The following ADK variants were observed in gnomAD, a reference collection of about 807,000 sequenced individuals.
The protein encoded by ADK is N6,N6-dimethyladenosine kinase.
A neutral mutation model predicts 44.7 loss-of-function variants in ADK; 24 were observed. The observed-to-expected ratio is 0.54, with a 90% CI of 0.39 to 0.76. ADK has a LOEUF of 0.76. ADK is among the 30% of genes least tolerant of loss of function. The pLI, the probability that ADK is intolerant of heterozygous loss-of-function variation, is 0.00. For synonymous variants in ADK, 128 were observed against 142.6 expected (o/e 0.90, Z 0.73); for missense variants, 321 against 425.1 (o/e 0.76, Z 2.15).
intron 7 of ADK, among the ~76,000 whole-genome samples, chr10:74,544,835 C>T (rs1849769123): frequency 6.6e-6 from 1 of 151,472 alleles, no homozygotes. Context: ...GCACTCCAGC[C>T]TGGGGACAGA....
rs140134016 is a variant in ADK, at chr10:74,645,743, A to C, written c.878-24440A>C. Among the ~76,000 whole-genome samples, 716 of 152,348 alleles carry C rather than the reference A, an allele frequency of 4.7e-3. 9 individuals are homozygous for C. Among genetic ancestry groups the C allele is most frequent in the Non-Finnish European group, 8.8e-3 (600 of 68,040 alleles). ...CCCCACCTGTGTGGTTAATTTCAAA[A>C]TATTGTTTGTCTAATACATTGTTGT... On this transcript the variant is annotated intron_variant, in intron 9 of 10. Transcript: ENST00000539909.
intron 6 of ADK, among the ~76,000 whole-genome samples, chr10:74,493,957 G>A (rs1847587711): frequency 1.3e-5 from 2 of 151,990 alleles, no homozygotes; most frequent in African/African-American, 2.4e-5. Flanking sequence ...TACTTCATAT[G>A]ATATGCAGTA....
intron 3 of ADK, among the ~76,000 whole-genome samples, chr10:74,311,879 C>T (rs953150813): frequency 2.0e-5 from 3 of 152,082 alleles, no homozygotes; most frequent in African/African-American, 7.2e-5. Flanking sequence ...AAAATCCTAA[C>T]AAGTTGGGCT....
intron 6 of ADK, among the ~76,000 whole-genome samples, chr10:74,512,565 A>G (rs1245823128): frequency 2.0e-5 from 3 of 151,752 alleles, no homozygotes; most frequent in Non-Finnish European, 4.4e-5. Flanking sequence ...TTGTTGGCAT[A>G]TAGTTGTTCA....
At chr10:74,594,895 C>T (rs768983383) in intron 8 of ADK, among the ~76,000 whole-genome samples, 94 of 151,858 alleles carry the variant, frequency 6.2e-4, no homozygotes, top group Non-Finnish European at 1.3e-3. Flanking sequence ...GCTATATGGC[C>T]GGGTGTGGTG....
intron 3 of ADK, among the ~76,000 whole-genome samples, chr10:74,303,216 G>A (rs995448877): frequency 6.6e-6 from 1 of 152,152 alleles, no homozygotes; most frequent in African/African-American, 2.4e-5. Flanking sequence ...GACACTTATA[G>A]TTGTTAATAT....
intron 8 of ADK, 133 bp downstream of exon 8, chr10:74,589,450 C>A: frequency 1.1e-6 from 1 of 917,164 alleles, no homozygotes; most frequent in Non-Finnish European, 1.8e-6. Flanking sequence ...GGAAACTTGG[C>A]AGTCGTCATG....
chr10:74,520,339 A>G (rs1334828802), intron 6 of ADK, among the ~76,000 whole-genome samples: 2 of 151,604 alleles, frequency 1.3e-5, no homozygotes, highest in African/African-American at 2.4e-5. Context: ...CTATATCACC[A>G]TGTATCCACA....
At chr10:74,517,464 G>A (rs1056312167) in intron 6 of ADK, among the ~76,000 whole-genome samples, 2 of 152,014 alleles carry the variant, frequency 1.3e-5, no homozygotes, top group Non-Finnish European at 2.9e-5. Context: ...TGAGGGAGGC[G>A]TATGGCTTGA....
At chr10:74,431,922 G>C (rs1845014330) in intron 6 of ADK, among the ~76,000 whole-genome samples, 1 of 152,190 alleles carries the variant, frequency 6.6e-6, no homozygotes, top group South Asian at 2.1e-4. Context: ...GGCAGATGCA[G>C]TGGCTCATGC....
intron 8 of ADK, among the ~76,000 whole-genome samples, chr10:74,595,381 T>C: frequency 1.3e-4 from 1 of 7,524 alleles, no homozygotes; most frequent in Non-Finnish European, 3.2e-4. Context: ...CTTTTTTTTT[T>C]TTTTTTTTTT....
chr10:74,367,070 C>T (rs779812149), intron 4 of ADK, among the ~76,000 whole-genome samples: 2 of 152,114 alleles, frequency 1.3e-5, no homozygotes, highest in Non-Finnish European at 2.9e-5. Context: ...TCTGTAGATT[C>T]TTTAGTACTC....
chr10:74,485,913 A>G (rs1847249796), intron 6 of ADK, among the ~76,000 whole-genome samples: 1 of 152,194 alleles, frequency 6.6e-6, no homozygotes, highest in African/African-American at 2.4e-5. Context: ...AGGGGTGTAT[A>G]TGAGTGTAAA....
At chr10:74,660,422 G>A (rs943654145) in intron 9 of ADK, among the ~76,000 whole-genome samples, 2 of 152,164 alleles carry the variant, frequency 1.3e-5, no homozygotes, top group East Asian at 1.9e-4. Context: ...ACGAGCCACC[G>A]TGTCTAGCCT....
At chr10:74,392,844 T>C (rs1475781314) in intron 4 of ADK, among the ~76,000 whole-genome samples, 1 of 152,144 alleles carries the variant, frequency 6.6e-6, no homozygotes, top group Non-Finnish European at 1.5e-5. Context: ...GAAATTACTT[T>C]GTATAGAAGG....
chr10:74,653,439 A>G (rs1288151939), intron 9 of ADK, among the ~76,000 whole-genome samples: 1 of 152,148 alleles, frequency 6.6e-6, no homozygotes, highest in Non-Finnish European at 1.5e-5. Context: ...GTGACAGAGC[A>G]AGACTCCATC....
In ADK at chr10:74,200,839, G is replaced by GT; in HGVS notation, c.140+2dup. The GT allele has an allele frequency of 6.3e-7, 1 of 1,589,372 alleles. No individual in the cohort carries two copies. Among genetic ancestry groups the GT allele is most frequent in the Non-Finnish European group, 8.6e-7 (1 of 1,158,142 alleles). On this transcript the variant is annotated splice_donor_variant, in intron 2 of 10. Transcript: ENST00000539909. LOFTEE classifies it high-confidence loss of function. ...TAGTGGACAAAGATTTCCTTGATAA[G>GT]TAAGTATTAAACTCTTCATATGCAC...
chr10:74,153,355 C>T (rs1363817892), intron 1 of ADK, among the ~76,000 whole-genome samples: 1 of 152,166 alleles, frequency 6.6e-6, no homozygotes, highest in Non-Finnish European at 1.5e-5. Context: ...AAACATGCTA[C>T]ATAGGACAAC....
At chr10:74,199,303 G>C (rs1213632383) in intron 1 of ADK, among the ~76,000 whole-genome samples, 1 of 152,182 alleles carries the variant, frequency 6.6e-6, no homozygotes, top group Non-Finnish European at 1.5e-5. Context: ...AGTGAACATA[G>C]TAACCAATAG....
Sources: allele counts gnomAD v4.1 joint callset (sites outside exome capture counted in the v4.1 genomes callset), GRCh38; gene constraint gnomAD v4.1.1; transcripts MANE v1.5; gene names NCBI Gene and HGNC (gene_info 2026-07-23, HGNC 2026-07-21).